TENM4: variants seen among roughly 807,000 people sequenced by gnomAD.
The protein encoded by TENM4 is teneurin-4.
TENM4 carries 82 observed loss-of-function variants against 243.3 expected under a neutral mutation model. The ratio of observed to expected loss-of-function variants is 0.34; its 90% CI spans 0.28 to 0.40. The LOEUF (loss-of-function observed/expected upper bound fraction) is 0.40. TENM4 is among the 10% of genes least tolerant of loss of function. TENM4 has a pLI of 1.00. For synonymous variants in TENM4, 1,412 were observed against 1,456.3 expected (o/e 0.97, Z 0.69); for missense variants, 3,138 against 3,673.3 (o/e 0.85, Z 3.77).
intron 19 of TENM4, among the ~76,000 whole-genome samples, chr11:78,740,147 C>T (rs545609115): frequency 3.3e-5 from 5 of 152,320 alleles, no homozygotes; most frequent in South Asian, 4.2e-4. Context: ...GAGCTACTGA[C>T]GAGGCCCATG....
intron 1 of TENM4, among the ~76,000 whole-genome samples, chr11:79,355,712 C>T (rs938974268): frequency 1.9e-4 from 28 of 149,338 alleles, no homozygotes; most frequent in African/African-American, 6.7e-4. Context: ...ATCATGTGAG[C>T]ATGGTGAGAC....
chr11:79,216,980 A>G, intron 2 of TENM4, among the ~76,000 whole-genome samples: 1 of 151,852 alleles, frequency 6.6e-6, no homozygotes, highest in East Asian at 1.9e-4. Context: ...GCTGATTGCA[A>G]CCTCTGGCTA....
At chr11:78,663,774 T>C (rs1464228951) in intron 32 of TENM4, among the ~76,000 whole-genome samples, 1 of 152,146 alleles carries the variant, frequency 6.6e-6, no homozygotes, top group Non-Finnish European at 1.5e-5. Context: ...TTAGGCAAAA[T>C]TGTCACCTGC....
chr11:79,014,317 G>A (rs1025849354), intron 6 of TENM4, among the ~76,000 whole-genome samples: 5 of 152,212 alleles, frequency 3.3e-5, no homozygotes, highest in African/African-American at 7.2e-5. Flanking sequence ...CCTCCCTGGT[G>A]ATAGAGAGGA....
rs374861307 is a variant in TENM4, at chr11:78,805,390, G to T, written c.2081C>A (p.Ala694Asp). The T allele has an allele frequency of 2.6e-5, 42 of 1,592,122 alleles. No homozygotes were observed. In the Admixed American group the frequency reaches 2.8e-4, roughly 11 times the overall value. ...GCCTGAACACTGGTCTAAGCATGTG[G>T]CCCTGGGGGTCTCGCAGTTGGTGCC... is the stretch of plus-strand genomic sequence containing the variant. ...WGGTNCETPR[A>D]TCLDQCSGHG... The change falls in exon 15 of 34, where the codon GCC becomes GAC. Residue 694 changes from alanine to aspartate, a missense_variant. Ala to Asp is a moderately radical substitution (Grantham distance 126). Around this residue, in one of 2 missense-constraint regions of TENM4, gnomAD observed 2,467 missense variants for 3,059.1 expected, o/e 0.81. Transcript: ENST00000278550.
intron 1 of TENM4, among the ~76,000 whole-genome samples, chr11:79,303,143 A>G (rs1856575987): frequency 1.3e-5 from 2 of 152,196 alleles, no homozygotes; most frequent in African/African-American, 4.8e-5. Flanking sequence ...TCTCTTCAAG[A>G]TTCTGCTTCA....
At chr11:79,404,310 T>C (rs1405027231) in intron 1 of TENM4, among the ~76,000 whole-genome samples, 5 of 152,244 alleles carry the variant, frequency 3.3e-5, no homozygotes, top group African/African-American at 1.2e-4. Flanking sequence ...TCACAGGATC[T>C]TTAACCAAAT....
intron 1 of TENM4, among the ~76,000 whole-genome samples, chr11:79,345,395 G>A (rs929974433): frequency 1.1e-4 from 16 of 152,154 alleles, no homozygotes; most frequent in South Asian, 2.1e-4. Context: ...TGCTACTAGT[G>A]TCATTAAATT....
At chr11:78,660,250 T>C (rs868035209) in intron 33 of TENM4, among the ~76,000 whole-genome samples, 8 of 152,312 alleles carry the variant, frequency 5.3e-5, no homozygotes, top group Middle Eastern at 6.8e-3. Context: ...GGGTTCTCCA[T>C]TGAATTCTGC....
At chr11:78,744,030 A>C (rs1404576965) in intron 19 of TENM4, among the ~76,000 whole-genome samples, 1 of 152,166 alleles carries the variant, frequency 6.6e-6, no homozygotes, top group Non-Finnish European at 1.5e-5. Flanking sequence ...ACTTGTGTAA[A>C]TCCTTAAACT....
At chr11:79,038,208 A>G (rs1230061545) in intron 6 of TENM4, among the ~76,000 whole-genome samples, 1 of 152,210 alleles carries the variant, frequency 6.6e-6, no homozygotes, top group African/African-American at 2.4e-5. Context: ...GAATGGATAC[A>G]TGGATGAGAG....
intron 2 of TENM4, among the ~76,000 whole-genome samples, chr11:79,223,529 G>T (rs1201086989): frequency 1.3e-5 from 2 of 152,006 alleles, no homozygotes; most frequent in African/African-American, 4.8e-5. Flanking sequence ...CCTGTTCCCG[G>T]CTCAAAGCCC....
At chr11:79,235,699 A>T (rs978428053) in intron 2 of TENM4, among the ~76,000 whole-genome samples, 3 of 152,136 alleles carry the variant, frequency 2.0e-5, no homozygotes, top group African/African-American at 4.8e-5. Context: ...ATAAATAGTT[A>T]TACAAGTGCA....
chr11:78,653,480 C>T lies in TENM4; in HGVS notation c.*4578G>A, dbSNP rs940499047. 2 of 152,198 alleles carry T rather than the reference C, an allele frequency of 1.3e-5. No homozygotes were observed. Among genetic ancestry groups the T allele is most frequent in the African/African-American group, 4.8e-5 (2 of 41,432 alleles). 9.4% of individuals were successfully genotyped at this position (152,198 alleles called of 1,614,324 possible). On this transcript the variant is annotated 3_prime_UTR_variant, in exon 34 of 34. Transcript: ENST00000278550. ...ACTTCTCAAAATTAGTTCCAGACTTCAGGAAAATGATTTCCACATGGTAAG... is the reference window on the plus strand; with the variant it reads ...ACTTCTCAAAATTAGTTCCAGACTTTAGGAAAATGATTTCCACATGGTAAG...
At chr11:78,717,264 G>A (rs754663900) in intron 25 of TENM4, among the ~76,000 whole-genome samples, 24 of 152,188 alleles carry the variant, frequency 1.6e-4, no homozygotes, top group Non-Finnish European at 3.1e-4. Flanking sequence ...CCCAGTAGGA[G>A]CTGGGAACCT....
chr11:78,773,280 G>A (rs1043267115), intron 17 of TENM4, among the ~76,000 whole-genome samples: 2 of 152,164 alleles, frequency 1.3e-5, no homozygotes, highest in Non-Finnish European at 2.9e-5. Context: ...GCATATCAAA[G>A]TTTGCCTGTA....
At chr11:79,222,142 G>C (rs1864169954) in intron 2 of TENM4, among the ~76,000 whole-genome samples, 1 of 152,224 alleles carries the variant, frequency 6.6e-6, no homozygotes, top group Non-Finnish European at 1.5e-5. Flanking sequence ...CTGAGGATCT[G>C]TGCTATGGCA....
At chr11:78,793,881 A>T (rs1857110004) in intron 15 of TENM4, among the ~76,000 whole-genome samples, 1 of 152,248 alleles carries the variant, frequency 6.6e-6, no homozygotes, top group Admixed American at 6.5e-5. Context: ...ACAATACCTC[A>T]GATGCCATAT....
At chr11:79,127,390 A>C (rs1047246486) in intron 4 of TENM4, among the ~76,000 whole-genome samples, 2 of 149,610 alleles carry the variant, frequency 1.3e-5, no homozygotes, top group Admixed American at 6.7e-5. Flanking sequence ...ATAGTGGATT[A>C]TTGTAAACTT....
Sources: allele counts gnomAD v4.1 joint callset (sites outside exome capture counted in the v4.1 genomes callset), GRCh38; gene constraint gnomAD v4.1.1; regional missense constraint gnomAD v4.1.1; transcripts MANE v1.5; gene names NCBI Gene and HGNC (gene_info 2026-07-23, HGNC 2026-07-21).